ECHDC1: variants seen among roughly 807,000 people sequenced by gnomAD.
ECHDC1 encodes ethylmalonyl-CoA decarboxylase.
A neutral mutation model predicts 29.7 loss-of-function variants in ECHDC1; 29 were observed. The observed-to-expected ratio is 0.98, with a 90% CI of 0.73 to 1.33. The LOEUF (loss-of-function observed/expected upper bound fraction) is 1.33, where lower values mean the gene tolerates loss of function less well. ECHDC1 is among the 40% of genes most tolerant of loss of function. The pLI, the probability that ECHDC1 is intolerant of heterozygous loss-of-function variation, is 0.00. For synonymous variants in ECHDC1, 126 were observed against 123.1 expected (o/e 1.02, Z -0.15); for missense variants, 328 against 350.0 (o/e 0.94, Z 0.50).
At position 127,330,809 on chromosome 6, in the gene ECHDC1, C is replaced by G. The variant is rs1231808697; in HGVS notation, c.220G>C (p.Gly74Arg). The G allele has an allele frequency of 1.2e-5, 19 of 1,612,032 alleles. No individual in the cohort carries two copies. The highest frequency in any genetic ancestry group is 1.5e-5 in the Non-Finnish European group (18 of 1,178,592). Residue 74 changes from glycine to arginine, a missense_variant and splice_region_variant, in exon 2 of 6, where the codon GGT becomes CGT. By Grantham distance (125) the Gly-to-Arg change is moderately radical. Coordinates refer to ENST00000454859, the MANE Select transcript of ECHDC1 (RefSeq NM_001002030.2). ...TTAGGAATAAAAAGATCCCTAATACCTGAAAAGGCATTCATTCTACTTGGA... is the reference window on the plus strand; with the variant it reads ...TTAGGAATAAAAAGATCCCTAATACGTGAAAAGGCATTCATTCTACTTGGA... ...NNPSRMNAFS[G>R]VMMLQLLEKV...
intron 5 of ECHDC1, among the ~76,000 whole-genome samples, chr6:127,309,444 TAAAGAA>T (rs112751657): frequency 0.75 from 107,478 of 142,940 alleles, 39,647 homozygotes; most frequent in East Asian, 0.79. Context: ...CAAATCAAAA[TAAAGAA>T]AAAGAAAAAA....
At chr6:127,315,729 A>C (rs2114620392) in intron 4 of ECHDC1, 1 of 340,748 alleles carries the variant, frequency 2.9e-6, no homozygotes, top group South Asian at 2.4e-5. Flanking sequence ...TGAAGATACT[A>C]TTTTAGAATA....
rs921904103 is a variant in ECHDC1, at chr6:127,288,987, T to G, written c.*882A>C. 4.6e-5 allele frequency: 7 copies of G among 152,118 alleles called. No homozygotes were observed. The highest frequency in any genetic ancestry group is 1.7e-4 in the African/African-American group (7 of 41,440). The allele number at this position is 152,118 out of a possible 1,614,324, so 9.4% of individuals were successfully genotyped here. A position where few individuals can be genotyped will look rare whatever the true frequency, so the allele number is the denominator to read the frequency against. Reference sequence around the variant, plus strand: ...GAACTTAATTCTTTGACTTTCACATTTTTTAAAAAGTGTATTGCTGGGATC... The same window carrying G: ...GAACTTAATTCTTTGACTTTCACATGTTTTAAAAAGTGTATTGCTGGGATC... On this transcript the variant is annotated 3_prime_UTR_variant, in exon 6 of 6. Coordinates refer to ENST00000454859, the MANE Select transcript of ECHDC1 (RefSeq NM_001002030.2).
chr6:127,327,801 C>T (rs996879430), intron 2 of ECHDC1, among the ~76,000 whole-genome samples: 1 of 152,196 alleles, frequency 6.6e-6, no homozygotes, highest in African/African-American at 2.4e-5. Context: ...CTCCAAAATT[C>T]TATTGGAGCT....
At position 127,289,933 on chromosome 6, in the gene ECHDC1, C is replaced by A; in HGVS notation, c.842G>T (p.Gly281Val). ...EALQNERDLL[G>V]TVWGGPANLE... ...ATTTGCAGGCCCACCCCAAACTGTT[C>A]CTAAAAGATCTCTTTCGTTCTGTAA... Residue 281 changes from glycine to valine, a missense_variant, in exon 6 of 6, where the codon GGA becomes GTA. By Grantham distance (109) the Gly-to-Val change is moderately radical (BLOSUM62 -3). Transcript: ENST00000454859. 6.2e-7 allele frequency: 1 copy of A among 1,613,498 alleles called. No homozygotes were observed. Among genetic ancestry groups the A allele is most frequent in the Non-Finnish European group, 8.5e-7 (1 of 1,179,664 alleles).
chr6:127,295,605 A>G (rs1294343210), intron 5 of ECHDC1, among the ~76,000 whole-genome samples: 1 of 152,224 alleles, frequency 6.6e-6, no homozygotes, highest in Non-Finnish European at 1.5e-5. Context: ...GATATCTTAA[A>G]AGATTATACT....
At chr6:127,317,308 G>T (rs1201994366) in intron 3 of ECHDC1, among the ~76,000 whole-genome samples, 1 of 151,896 alleles carries the variant, frequency 6.6e-6, no homozygotes, top group Non-Finnish European at 1.5e-5. Context: ...TCTAATCCAT[G>T]ATTTTCTCTG....
At chr6:127,300,425 G>A (rs1404362970) in intron 5 of ECHDC1, among the ~76,000 whole-genome samples, 1 of 152,112 alleles carries the variant, frequency 6.6e-6, no homozygotes, top group Non-Finnish European at 1.5e-5. Context: ...CCTTAAAATA[G>A]GAAAATTATC....
In ECHDC1 at chr6:127,290,608, T is replaced by A. The variant is rs116074547; in HGVS notation, c.498-331A>T. Reference sequence around the variant, plus strand: ...AGTGAAAGTATGGGAGTAGGAAATGTTAGGTGCATACTAAGAAAAACAAAC... The same window carrying A: ...AGTGAAAGTATGGGAGTAGGAAATGATAGGTGCATACTAAGAAAAACAAAC... On this transcript the variant is annotated intron_variant, in intron 5 of 5. Transcript: ENST00000454859. Among the ~76,000 whole-genome samples, 917 of 152,150 alleles carry A rather than the reference T, an allele frequency of 6.0e-3. 8 individuals carry two copies. The highest frequency in any genetic ancestry group is 0.021 in the African/African-American group (866 of 41,530).
intron 1 of ECHDC1, chr6:127,342,684 A>G: frequency 3.1e-6 from 1 of 318,640 alleles, no homozygotes; most frequent in Non-Finnish European, 5.7e-6. Context: ...GGAACAGAGC[A>G]AAGAACTGAG....
At chr6:127,302,937 G>A (rs932938864) in intron 5 of ECHDC1, among the ~76,000 whole-genome samples, 1 of 152,090 alleles carries the variant, frequency 6.6e-6, no homozygotes, top group Non-Finnish European at 1.5e-5. Context: ...GATGACAGCA[G>A]AGGGCACTGT....
chr6:127,298,879 A>T (rs1407413794), intron 5 of ECHDC1, among the ~76,000 whole-genome samples: 3 of 144,750 alleles, frequency 2.1e-5, no homozygotes, highest in South Asian at 2.2e-4. Context: ...ACTGTACTAT[A>T]TTTTTTTTTT....
Position 127,343,552 on chromosome 6 carries a change from C to G in ECHDC1, c.-219G>C, listed in dbSNP as rs1444109102. 6.6e-6 allele frequency: 1 copy of G among 152,200 alleles called. No homozygotes were observed. The highest frequency in any genetic ancestry group is 6.5e-5 in the Admixed American group (1 of 15,282). 9.4% of individuals were successfully genotyped at this position (152,200 alleles called of 1,614,324 possible). ...CCCGTTCCCCTGCCGGTTCCCGTGA[C>G]CCCGGAAATCCCGCTCCTGCCGCGA... On this transcript the variant is annotated 5_prime_UTR_variant, in exon 1 of 6. Transcript: ENST00000454859.
chr6:127,331,800 C>G, intron 1 of ECHDC1: 2 of 983,556 alleles, frequency 2.0e-6, no homozygotes, highest in Non-Finnish European at 2.4e-6. Context: ...CACTCTCTAA[C>G]AGAAGTTTTA....
intron 5 of ECHDC1, among the ~76,000 whole-genome samples, chr6:127,305,092 A>G (rs1781345113): frequency 6.6e-6 from 1 of 152,180 alleles, no homozygotes; most frequent in Non-Finnish European, 1.5e-5. Context: ...TTGAACCCAA[A>G]CAAAAGTACC....
chr6:127,307,854 T>C (rs549449387), intron 5 of ECHDC1, among the ~76,000 whole-genome samples: 1 of 151,308 alleles, frequency 6.6e-6, no homozygotes, highest in South Asian at 2.1e-4. Flanking sequence ...TATTAGTGGC[T>C]ACAATGAGCA....
intron 5 of ECHDC1, among the ~76,000 whole-genome samples, chr6:127,308,091 T>C (rs763996217): frequency 6.6e-6 from 1 of 152,148 alleles, no homozygotes; most frequent in Non-Finnish European, 1.5e-5. Context: ...GCAATCCTAC[T>C]CAAACTATTC....
At chr6:127,342,716 A>G (rs1283808796) in intron 1 of ECHDC1, 1 of 246,008 alleles carries the variant, frequency 4.1e-6, no homozygotes, top group Non-Finnish European at 7.8e-6. Context: ...TGTTGCCTGA[A>G]GTCCTTAACA....
At chr6:127,296,772 G>A (rs924870944) in intron 5 of ECHDC1, among the ~76,000 whole-genome samples, 2 of 152,094 alleles carry the variant, frequency 1.3e-5, no homozygotes, top group Non-Finnish European at 2.9e-5. Flanking sequence ...AGCACTTTGG[G>A]AGGCTGTGGA....
Sources: gnomAD v4.1 joint callset for allele counts (sites outside exome capture counted in the v4.1 genomes callset) on GRCh38, gnomAD v4.1.1 for gene constraint, MANE v1.5 for transcripts, NCBI Gene and HGNC (gene_info 2026-07-23, HGNC 2026-07-21) for gene names.